Variants in TLN2 observed in about 807,000 individuals in gnomAD.
TLN2 encodes the protein talin-2.
TLN2 carries 118 observed loss-of-function variants against 294.7 expected under a neutral mutation model. The observed-to-expected ratio is 0.40, with a 90% CI of 0.34 to 0.47. The LOEUF is 0.47. Among genes scored for constraint, TLN2 ranks in the 20% least tolerant of loss-of-function variants. The probability of loss-of-function intolerance (pLI) is 0.84; values close to 1 mark genes in which losing one functional copy is unlikely to be tolerated. For missense variants in TLN2, 3,083 were observed against 3,282.2 expected (o/e 0.94, Z 1.48); for synonymous variants, 1,431 against 1,304.5 (o/e 1.10, Z -2.09).
At chr15:62,767,756 A>G (rs1267118255) in intron 41 of TLN2, among the ~76,000 whole-genome samples, 4 of 152,214 alleles carry the variant, frequency 2.6e-5, no homozygotes, top group Non-Finnish European at 5.9e-5. Flanking sequence ...GCCACTGCCT[A>G]TGTGCCCATA....
intron 1 of TLN2, among the ~76,000 whole-genome samples, chr15:62,586,998 T>C (rs1480212583): frequency 1.3e-5 from 2 of 152,172 alleles, no homozygotes; most frequent in Non-Finnish European, 2.9e-5. Flanking sequence ...AAGAGAAAGA[T>C]AGATGGGATT....
intron 1 of TLN2, among the ~76,000 whole-genome samples, chr15:62,522,426 G>T (rs78345299): frequency 3.3e-5 from 5 of 152,124 alleles, no homozygotes; most frequent in Admixed American, 6.5e-5. Context: ...GTCCATTCTC[G>T]TGGATGAAAT....
chr15:62,510,441 T>G (rs1316655512), intron 1 of TLN2, among the ~76,000 whole-genome samples: 1 of 152,218 alleles, frequency 6.6e-6, no homozygotes, highest in Non-Finnish European at 1.5e-5. Context: ...TGAGATAATT[T>G]AGATGATGAG....
chr15:62,483,409 C>T (rs1656146), intron 1 of TLN2, among the ~76,000 whole-genome samples: 28,878 of 152,126 alleles, frequency 0.19, 3,184 homozygotes, highest in East Asian at 0.54. Flanking sequence ...TAGAACAGAC[C>T]TCTTTCGGGC....
At chr15:62,490,852 C>CT (rs772582456) in intron 1 of TLN2, among the ~76,000 whole-genome samples, 15 of 152,136 alleles carry the variant, frequency 9.9e-5, no homozygotes, top group Admixed American at 5.9e-4. Context: ...TCATTCCCAC[C>CT]TTTAACACTG....
intron 1 of TLN2, among the ~76,000 whole-genome samples, chr15:62,428,005 GGTCT>G (rs1430241161): frequency 6.6e-6 from 1 of 151,986 alleles, no homozygotes; most frequent in Non-Finnish European, 1.5e-5. Flanking sequence ...GGATCTTTAG[GGTCT>G]GTAAGTGGGA....
intron 50 of TLN2, among the ~76,000 whole-genome samples, chr15:62,802,102 G>A (rs776877228): frequency 2.3e-5 from 3 of 128,668 alleles, no homozygotes; most frequent in East Asian, 2.4e-4. Flanking sequence ...TCCCCACCCC[G>A]ACCTCCCACT....
Position 62,701,984 on chromosome 15 carries a change from T to C in TLN2, c.1697-8T>C. ...TCCTTTGATGGGGATGGTTCTTTTC[T>C]GTGCCAGGTGACCCTGCAGACACTG... On this transcript the variant is annotated splice_region_variant and splice_polypyrimidine_tract_variant and intron_variant, in intron 17 of 58. Transcript: ENST00000636159. 1 of 1,613,914 alleles carries C rather than the reference T, an allele frequency of 6.2e-7. No homozygotes were observed. The highest frequency in any genetic ancestry group is 8.5e-7 in the Non-Finnish European group (1 of 1,180,006).
intron 22 of TLN2, among the ~76,000 whole-genome samples, chr15:62,712,937 C>A (rs1343797145): frequency 6.6e-6 from 1 of 152,052 alleles, no homozygotes; most frequent in Non-Finnish European, 1.5e-5. Context: ...AATTCCTGCC[C>A]TCAAAATAAT....
Position 62,836,020 on chromosome 15 carries a change from G to C in TLN2, c.7321G>C (p.Val2441Leu). 8 of 1,613,120 alleles carry C rather than the reference G, an allele frequency of 5.0e-6. No individual in the cohort carries two copies. The highest frequency in any genetic ancestry group is 6.8e-6 in the Non-Finnish European group (8 of 1,179,598). Residue 2441 changes from valine to leucine, a missense_variant, in exon 57 of 59, where the codon GTG becomes CTG. Coordinates refer to ENST00000636159, the MANE Select transcript of TLN2 (RefSeq NM_015059.3). The stretch of plus-strand genomic sequence containing the variant: ...CGCCGCTTCCACGGCTCAGCTGCTG[G>C]TGGCCTGCAAGGTGAAGGCCGACCA... ...QVAASTAQLL[V>L]ACKVKADQDS...
chr15:62,727,058 G>A (rs777476998), intron 27 of TLN2, 29 bp from the exon 28 acceptor site: 15 of 1,607,646 alleles, frequency 9.3e-6, no homozygotes, highest in Admixed American at 5.0e-5. Context: ...TTTCTTCTAC[G>A]TTCTTTCCCT....
intron 43 of TLN2, among the ~76,000 whole-genome samples, chr15:62,777,846 A>G (rs1375940923): frequency 9.2e-5 from 14 of 152,228 alleles, no homozygotes; most frequent in Admixed American, 9.2e-4. Flanking sequence ...GACTGGAGAC[A>G]GTTTCAACTC....
At chr15:62,617,748 T>C (rs1304583931) in intron 2 of TLN2, among the ~76,000 whole-genome samples, 2 of 152,236 alleles carry the variant, frequency 1.3e-5, no homozygotes, top group Non-Finnish European at 2.9e-5. Flanking sequence ...CTTGAACTTC[T>C]AAATCAAATG....
chr15:62,617,661 C>T (rs915543030), intron 2 of TLN2, among the ~76,000 whole-genome samples: 3 of 152,116 alleles, frequency 2.0e-5, no homozygotes, highest in African/African-American at 7.2e-5. Flanking sequence ...AATCAGGTGC[C>T]GTGACAGCAT....
chr15:62,692,084 C>A (rs2057967465), intron 12 of TLN2, among the ~76,000 whole-genome samples: 1 of 152,200 alleles, frequency 6.6e-6, no homozygotes, highest in Non-Finnish European at 1.5e-5. Context: ...GTTGCAATGA[C>A]AGTTTTATTC....
At chr15:62,498,570 A>G (rs1188267422) in intron 1 of TLN2, among the ~76,000 whole-genome samples, 1 of 152,130 alleles carries the variant, frequency 6.6e-6, no homozygotes, top group Non-Finnish European at 1.5e-5. Flanking sequence ...GGATATTTTA[A>G]AATAACATGC....
intron 3 of TLN2, among the ~76,000 whole-genome samples, chr15:62,632,694 G>C (rs1178745075): frequency 6.6e-6 from 1 of 152,170 alleles, no homozygotes; most frequent in East Asian, 1.9e-4. Flanking sequence ...AATGGATGTA[G>C]ATTGACCTGT....
At chr15:62,778,679 C>T (rs2063893159) in intron 43 of TLN2, among the ~76,000 whole-genome samples, 1 of 152,238 alleles carries the variant, frequency 6.6e-6, no homozygotes, top group Admixed American at 6.5e-5. Flanking sequence ...GCCAGAGACA[C>T]ATTTGATTCT....
chr15:62,740,866 GAAT>G, intron 32 of TLN2, 97 bp downstream of exon 32: 3 of 1,522,858 alleles, frequency 2.0e-6, no homozygotes, highest in Non-Finnish European at 2.7e-6. Context: ...CTGAGCAAAA[GAAT>G]TGGTGCTGTC....
Sources: allele counts gnomAD v4.1 joint callset (sites outside exome capture counted in the v4.1 genomes callset), GRCh38; gene constraint gnomAD v4.1.1; transcripts MANE v1.5; gene names NCBI Gene and HGNC (gene_info 2026-07-23, HGNC 2026-07-21).